ARHGEF4: variants seen among roughly 807,000 people sequenced by gnomAD.
ARHGEF4 encodes the protein Rho guanine nucleotide exchange factor 4, also known as APC-stimulated guanine nucleotide exchange factor 1.
ARHGEF4 carries 119 observed loss-of-function variants against 162.0 expected under a neutral mutation model. The observed-to-expected ratio is 0.73, with a 90% CI of 0.63 to 0.86. ARHGEF4 has a LOEUF of 0.86. Among genes scored for constraint, ARHGEF4 ranks in the 40% least tolerant of loss-of-function variants. The probability of loss-of-function intolerance (pLI) is 0.00; values close to 1 mark genes in which losing one functional copy is unlikely to be tolerated. For missense variants in ARHGEF4, 2,488 were observed against 2,456.0 expected (o/e 1.01, Z -0.28); for synonymous variants, 1,014 against 979.9 (o/e 1.03, Z -0.65).
chr2:130,850,304 C>T (rs1170658595), intron 1 of ARHGEF4, among the ~76,000 whole-genome samples: 1 of 152,182 alleles, frequency 6.6e-6, no homozygotes, highest in African/African-American at 2.4e-5. Flanking sequence ...TCCCTGGTAC[C>T]CCTCATATGG....
rs1427321876 is a variant in ARHGEF4, at chr2:130,919,701, C to A, written c.3552+2203C>A. On this transcript the variant is annotated intron_variant, in intron 2 of 13. Transcript: ENST00000409359. The stretch of plus-strand genomic sequence containing the variant: ...GACCAGCCTGGCCAACATGGTGAAA[C>A]CCCGTCTCTACTAAAAATATAAAAA... Among the ~76,000 whole-genome samples the A allele has an allele frequency of 5.3e-5, 8 of 152,112 alleles. No individual in the cohort carries two copies. In the East Asian group the frequency reaches 1.4e-3, roughly 26 times the overall value.
intron 2 of ARHGEF4, among the ~76,000 whole-genome samples, chr2:130,920,767 C>A (rs1681825358): frequency 6.6e-6 from 1 of 152,198 alleles, no homozygotes; most frequent in African/African-American, 2.4e-5. Flanking sequence ...TTGTTTACTT[C>A]TAGATTTCTT....
intron 4 of ARHGEF4, among the ~76,000 whole-genome samples, chr2:130,961,199 G>A (rs560004331): frequency 2.0e-5 from 3 of 152,312 alleles, no homozygotes; most frequent in East Asian, 1.9e-4. Context: ...CAGCAGGTGC[G>A]CTGTACTCCC....
chr2:130,995,520 A>G (rs1381715931), intron 4 of ARHGEF4, among the ~76,000 whole-genome samples: 2 of 152,140 alleles, frequency 1.3e-5, no homozygotes, highest in East Asian at 3.9e-4. Context: ...CCTGTTGTGC[A>G]TGTTGCCTCT....
intron 1 of ARHGEF4, among the ~76,000 whole-genome samples, chr2:130,880,941 G>A (rs1403228290): frequency 6.6e-6 from 1 of 152,066 alleles, no homozygotes; most frequent in Non-Finnish European, 1.5e-5. Flanking sequence ...CTAAATAACA[G>A]TATGGTATTC....
At chr2:130,904,660 A>G (rs1296343647) in intron 1 of ARHGEF4, among the ~76,000 whole-genome samples, 1 of 152,244 alleles carries the variant, frequency 6.6e-6, no homozygotes, top group Non-Finnish European at 1.5e-5. Flanking sequence ...AATTCCTGAC[A>G]GAATGACCTA....
chr2:130,856,165 C>T (rs1488629395), intron 1 of ARHGEF4, among the ~76,000 whole-genome samples: 2 of 152,146 alleles, frequency 1.3e-5, no homozygotes, highest in African/African-American at 4.8e-5. Flanking sequence ...TCTTCAAATA[C>T]ATAATATTGT....
chr2:130,836,940 T>A lies in ARHGEF4; in HGVS notation c.-14T>A, dbSNP rs1680234760. 1 of 1,224,800 alleles carries A rather than the reference T, an allele frequency of 8.2e-7. No individual in the cohort carries two copies. Among genetic ancestry groups the A allele is most frequent in the Non-Finnish European group, 1.0e-6 (1 of 983,540 alleles). 75.9% of individuals were successfully genotyped at this position (1,224,800 alleles called of 1,614,324 possible). On this transcript the variant is annotated 5_prime_UTR_variant, in exon 1 of 14. Coordinates refer to ENST00000409359, the MANE Select transcript of ARHGEF4 (RefSeq NM_001367493.1). ...TAGTGCTGCGGCCGGGCTCCGGGCG[T>A]CCCGGCGGCCACCATGCTCAGCGTC...
intron 1 of ARHGEF4, among the ~76,000 whole-genome samples, chr2:130,904,929 A>G (rs1021935396): frequency 5.3e-5 from 8 of 152,110 alleles, no homozygotes; most frequent in Non-Finnish European, 1.2e-4. Context: ...AAATACAAAC[A>G]TTAGCCAGGC....
chr2:130,924,924 G>A (rs952982087), intron 2 of ARHGEF4, among the ~76,000 whole-genome samples: 1 of 152,018 alleles, frequency 6.6e-6, no homozygotes, highest in African/African-American at 2.4e-5. Flanking sequence ...GTCTCTGCTG[G>A]GTGTAATATC....
chr2:130,926,685 TACA>T (rs1275358826), intron 2 of ARHGEF4, among the ~76,000 whole-genome samples: 1 of 152,076 alleles, frequency 6.6e-6, no homozygotes, highest in Admixed American at 6.5e-5. Context: ...GTTAAGATTT[TACA>T]ACAAGCTTGC....
At chr2:130,938,892 G>T (rs1683119573) in intron 3 of ARHGEF4, among the ~76,000 whole-genome samples, 1 of 152,124 alleles carries the variant, frequency 6.6e-6, no homozygotes, top group Non-Finnish European at 1.5e-5. Context: ...GTTTGTGATT[G>T]ATTTCCAGTT....
At chr2:130,846,891 G>A (rs1300381669) in intron 1 of ARHGEF4, among the ~76,000 whole-genome samples, 1 of 152,138 alleles carries the variant, frequency 6.6e-6, no homozygotes, top group Non-Finnish European at 1.5e-5. Flanking sequence ...CGAGTTATGT[G>A]ACACGGGTAC....
chr2:130,936,838 C>A (rs1558742597), intron 3 of ARHGEF4, among the ~76,000 whole-genome samples: 1 of 151,270 alleles, frequency 6.6e-6, no homozygotes. Context: ...TAGGAATTTT[C>A]CACAATTATT....
rs549543653 is a variant in ARHGEF4, at chr2:130,983,422, T to G, written c.3985+36787T>G. ...TGTTTTGGCCAGCTTTATAGTTTTA[T>G]AACCTTCCATGCCAAACCCTGACAT... On this transcript the variant is annotated intron_variant, in intron 4 of 13. Transcript: ENST00000409359. Among the ~76,000 whole-genome samples, 7 of 152,336 alleles carry G rather than the reference T, an allele frequency of 4.6e-5. No homozygotes were observed. In the South Asian group the frequency reaches 1.4e-3, roughly 32 times the overall value.
intron 1 of ARHGEF4, among the ~76,000 whole-genome samples, chr2:130,847,587 G>A (rs1218127233): frequency 2.0e-5 from 3 of 152,190 alleles, no homozygotes; most frequent in Non-Finnish European, 4.4e-5. Context: ...CAAACCTTGA[G>A]TGCTCAATGC....
chr2:131,019,269 C>T (rs1227772558), intron 4 of ARHGEF4, among the ~76,000 whole-genome samples: 1 of 151,960 alleles, frequency 6.6e-6, no homozygotes, highest in Non-Finnish European at 1.5e-5. Flanking sequence ...AAGATTATCT[C>T]GGTGTGGTGT....
chr2:130,885,201 T>A (rs754144276), intron 1 of ARHGEF4, among the ~76,000 whole-genome samples: 1 of 152,102 alleles, frequency 6.6e-6, no homozygotes, highest in Non-Finnish European at 1.5e-5. Context: ...ACTGTAATCA[T>A]GTTTACTTGT....
intron 4 of ARHGEF4, among the ~76,000 whole-genome samples, chr2:130,998,500 A>G (rs1401194945): frequency 6.6e-6 from 1 of 152,036 alleles, no homozygotes; most frequent in East Asian, 1.9e-4. Context: ...GCCACTGATA[A>G]TTTTTTCCCT....
Sources: allele counts gnomAD v4.1 joint callset (sites outside exome capture counted in the v4.1 genomes callset), GRCh38; gene constraint gnomAD v4.1.1; transcripts MANE v1.5; gene names NCBI Gene and HGNC (gene_info 2026-07-23, HGNC 2026-07-21).